AJM1: variants seen among roughly 807,000 people sequenced by gnomAD.
The protein encoded by AJM1 is uncharacterized protein C9orf172.
In AJM1, 22 loss-of-function variants were observed where a neutral mutation model predicts 43.0. That is an observed-to-expected ratio of 0.51 (90% confidence interval 0.37 to 0.73). AJM1 has a LOEUF of 0.73. Among genes scored for constraint, AJM1 ranks in the 30% least tolerant of loss-of-function variants. The pLI is 0.00. For synonymous variants in AJM1, 719 were observed against 638.3 expected (o/e 1.13, Z -1.91); for missense variants, 1,305 against 1,343.3 (o/e 0.97, Z 0.45).
chr9:136,844,547 T>C lies in AJM1; in HGVS notation c.133T>C (p.Phe45Leu). ...GGCCCGGCCTGCTGAGCCCGCGCCTTTCAACAAGCGCCACTGCCGCAGCTT... is the reference window on the plus strand; with the variant it reads ...GGCCCGGCCTGCTGAGCCCGCGCCTCTCAACAAGCGCCACTGCCGCAGCTT... ...SVARPAEPAP[F>L]NKRHCRSFDF... is the part of the protein sequence containing the mutation. The change falls in exon 3 of 3, where the codon TTC becomes CTC. Residue 45 changes from phenylalanine to leucine, a missense_variant. Coordinates refer to ENST00000436881, the MANE Select transcript of AJM1 (RefSeq NM_001080482.5). 1 of 1,605,816 alleles carries C rather than the reference T, an allele frequency of 6.2e-7. No homozygotes were observed. The highest frequency in any genetic ancestry group is 1.1e-5 in the South Asian group (1 of 90,228).
chr9:136,847,478 C>T lies in AJM1; in HGVS notation c.*133C>T. 3 of 672,172 alleles carry T rather than the reference C, an allele frequency of 4.5e-6. No homozygotes were observed. The highest frequency in any genetic ancestry group is 4.7e-5 in the South Asian group (2 of 42,418). 41.6% of individuals were successfully genotyped at this position (672,172 alleles called of 1,614,324 possible). ...CACCCCGACTTCTTCTAGGCCCCGC[C>T]TCTAATTCCCCAGCCTTCCAAGCTC... On this transcript the variant is annotated 3_prime_UTR_variant, in exon 3 of 3. Coordinates refer to ENST00000436881, the MANE Select transcript of AJM1 (RefSeq NM_001080482.5).
chr9:136,846,964 A>T lies in AJM1; in HGVS notation c.2550A>T (p.Val850=). The T allele has an allele frequency of 7.7e-7, 1 of 1,305,186 alleles. No individual in the cohort carries two copies. The highest frequency in any genetic ancestry group is 1.6e-5 in the African/African-American group (1 of 63,968). The allele number at this position is 1,305,186 out of a possible 1,614,324, so 80.9% of individuals were successfully genotyped here. The change falls in exon 3 of 3, where the codon GTA becomes GTT. Residue 850 remains valine (V), a synonymous_variant. Coordinates refer to ENST00000436881, the MANE Select transcript of AJM1 (RefSeq NM_001080482.5). ...HGPTVRKFAK[V]ALAAGSPARP... Reference sequence around the variant, plus strand: ...CAACAGTGCGCAAGTTCGCCAAGGTAGCGCTGGCGGCCGGCAGCCCCGCGC... The same window carrying T: ...CAACAGTGCGCAAGTTCGCCAAGGTTGCGCTGGCGGCCGGCAGCCCCGCGC...
chr9:136,845,253 A>G lies in AJM1; in HGVS notation c.839A>G (p.Gln280Arg). Residue 280 changes from glutamine (Q) to arginine (R), a missense_variant, in exon 3 of 3, where the codon CAG becomes CGG. Physicochemically the swap from Gln to Arg is conservative, Grantham distance 43. Coordinates refer to ENST00000436881, the MANE Select transcript of AJM1 (RefSeq NM_001080482.5). ...TTCACCACCCCGCCGGGCCCCACCC[A>G]GTTCTTCTATACAGAGGAGCCCCAA... Reference protein sequence around the residue: ...LPFTTPPGPTQFFYTEEPQGF... With the variant: ...LPFTTPPGPTRFFYTEEPQGF... 6.2e-7 allele frequency: 1 copy of G among 1,604,146 alleles called. No homozygotes were observed.
Position 136,844,207 on chromosome 9 carries a change from C to T in AJM1, c.-132C>T, listed in dbSNP as rs1848736412. ...GGTTCCTCCCGCAGGTGCTTCTGAC[C>T]CCGGCATGGAGGAAGCGCCCGCGTT... On this transcript the variant is annotated 5_prime_UTR_variant, in exon 2 of 3. Coordinates refer to ENST00000436881, the MANE Select transcript of AJM1 (RefSeq NM_001080482.5). Among the ~76,000 whole-genome samples the T allele has an allele frequency of 6.6e-6, 1 of 152,208 alleles. No individual in the cohort carries two copies. Among genetic ancestry groups the T allele is most frequent in the South Asian group, 2.1e-4 (1 of 4,834 alleles).
rs1365712477 is a variant in AJM1 at position 136,846,596 on chromosome 9, G to A, written c.2182G>A (p.Asp728Asn). 9.4e-6 allele frequency: 15 copies of A among 1,591,638 alleles called. No individual in the cohort carries two copies. Among genetic ancestry groups the A allele is most frequent in the Non-Finnish European group, 1.2e-5 (14 of 1,175,158 alleles). ...VCRHVLQFCRDSGPVHRAFSR... is the reference protein window; with the variant it reads ...VCRHVLQFCRNSGPVHRAFSR... ...CCGCCACGTACTGCAGTTTTGCCGC[G>A]ACAGCGGCCCGGTGCACCGCGCTTT... Residue 728 changes from aspartate (D) to asparagine (N), a missense_variant, in exon 3 of 3, where the codon GAC becomes AAC. By Grantham distance (23) the Asp-to-Asn change is conservative. Transcript: ENST00000436881.
At position 136,846,155 on chromosome 9, in the gene AJM1, G is replaced by A. The variant is rs1848771807; in HGVS notation, c.1741G>A (p.Asp581Asn). Residue 581 changes from aspartate (D) to asparagine (N), a missense_variant, in exon 3 of 3, where the codon GAC becomes AAC. Physicochemically the swap from Asp to Asn is conservative, Grantham distance 23. Coordinates refer to ENST00000436881, the MANE Select transcript of AJM1 (RefSeq NM_001080482.5). ...CCGCCAGCGGAGCCTAGAGCAGCTGGACGAGCTCATCACGGACCTGGTCAT... is the reference window on the plus strand; with the variant it reads ...CCGCCAGCGGAGCCTAGAGCAGCTGAACGAGCTCATCACGGACCTGGTCAT... ...SGRQRSLEQL[D>N]ELITDLVIDS... The A allele has an allele frequency of 6.5e-7, 1 of 1,527,668 alleles. No individual in the cohort carries two copies. Among genetic ancestry groups the A allele is most frequent in the Non-Finnish European group, 8.7e-7 (1 of 1,143,426 alleles). The allele number at this position is 1,527,668 out of a possible 1,614,324, so 94.6% of individuals were successfully genotyped here.
At chr9:136,843,613 A>G (rs1477947922) in intron 1 of AJM1, among the ~76,000 whole-genome samples, 1 of 152,224 alleles carries the variant, frequency 6.6e-6, no homozygotes, top group Non-Finnish European at 1.5e-5. Flanking sequence ...TTGGGGTCAG[A>G]AAAGGTGTCG....
At position 136,847,492 on chromosome 9, in the gene AJM1, C is replaced by A; in HGVS notation, c.*147C>A. ...CTAGGCCCCGCCTCTAATTCCCCAG[C>A]CTTCCAAGCTCCGCTCAGTTCGGCC... On this transcript the variant is annotated 3_prime_UTR_variant, in exon 3 of 3. Coordinates refer to ENST00000436881, the MANE Select transcript of AJM1 (RefSeq NM_001080482.5). 1 of 623,674 alleles carries A rather than the reference C, an allele frequency of 1.6e-6. No individual in the cohort carries two copies. The highest frequency in any genetic ancestry group is 2.5e-6 in the Non-Finnish European group (1 of 392,866). The allele number at this position is 623,674 out of a possible 1,614,324, so 38.6% of individuals were successfully genotyped here.
At position 136,845,106 on chromosome 9, in the gene AJM1, G is replaced by A. The variant is rs2131216326; in HGVS notation, c.692G>A (p.Arg231His). The part of the protein sequence containing the change: ...QFHGLTVPGP[R>H]HMALSRTPTP... ...CACGGCCTCACGGTGCCCGGGCCCC[G>A]CCACATGGCGCTGTCGCGCACCCCG... is the stretch of plus-strand genomic sequence containing the variant. The change falls in exon 3 of 3, where the codon CGC becomes CAC. Residue 231 changes from arginine to histidine, a missense_variant. Physicochemically the swap from Arg to His is conservative, Grantham distance 29. Around this residue, in one of 6 missense-constraint regions of AJM1, gnomAD observed 653 missense variants for 549.1 expected, o/e 1.19. Coordinates refer to ENST00000436881, the MANE Select transcript of AJM1 (RefSeq NM_001080482.5). 1.4e-6 allele frequency: 2 copies of A among 1,458,308 alleles called. No homozygotes were observed. The highest frequency in any genetic ancestry group is 1.9e-6 in the Non-Finnish European group (2 of 1,060,142). 90.3% of individuals were successfully genotyped at this position (1,458,308 alleles called of 1,614,324 possible). A position where few individuals can be genotyped will look rare whatever the true frequency, so the allele number is the denominator to read the frequency against.
chr9:136,846,457 C>G lies in AJM1; in HGVS notation c.2043C>G (p.Leu681=), dbSNP rs1398725093. Residue 681 remains leucine (L), a synonymous_variant, in exon 3 of 3, where the codon CTC becomes CTG. Transcript: ENST00000436881. Reference sequence around the variant, plus strand: ...CCGAGACCATGTTCAACGCCTGCCTCTACTTCAAGTCCTGCCACAGCTGCT... The same window carrying G: ...CCGAGACCATGTTCAACGCCTGCCTGTACTTCAAGTCCTGCCACAGCTGCT... ...RRTETMFNAC[L]YFKSCHSCYT... 1 of 1,594,266 alleles carries G rather than the reference C, an allele frequency of 6.3e-7. No individual in the cohort carries two copies. Among genetic ancestry groups the G allele is most frequent in the South Asian group, 1.1e-5 (1 of 90,720 alleles).
Position 136,844,527 on chromosome 9 carries a change from G to A in AJM1, c.113G>A (p.Arg38Gln). 2 of 1,607,686 alleles carry A rather than the reference G, an allele frequency of 1.2e-6. No homozygotes were observed. Among genetic ancestry groups the A allele is most frequent in the South Asian group, 1.1e-5 (1 of 90,446 alleles). Reference sequence around the variant, plus strand: ...TCGCCATGTGAGCGATCCGTGGCCCGGCCTGCTGAGCCCGCGCCTTTCAAC... The same window carrying A: ...TCGCCATGTGAGCGATCCGTGGCCCAGCCTGCTGAGCCCGCGCCTTTCAAC... ...KCSPCERSVA[R>Q]PAEPAPFNKR... Residue 38 changes from arginine (R) to glutamine (Q), a missense_variant, in exon 3 of 3, where the codon CGG (arginine) becomes CAG (glutamine). Arg to Gln is a conservative substitution (Grantham distance 43). Transcript: ENST00000436881.
chr9:136,843,800 C>G (rs1226450455), intron 1 of AJM1, among the ~76,000 whole-genome samples: 9 of 152,172 alleles, frequency 5.9e-5, no homozygotes, highest in Admixed American at 5.9e-4. Flanking sequence ...GGTGCAGAGC[C>G]GGCTAAGGCT....
chr9:136,842,722 A>C (rs1326916162), intron 1 of AJM1, among the ~76,000 whole-genome samples, 133 bp downstream of exon 1: 2 of 152,160 alleles, frequency 1.3e-5, no homozygotes, highest in South Asian at 2.1e-4. Flanking sequence ...GGCCGCTCCC[A>C]GCCAGGGCAA....
rs767804900 is a variant in AJM1, at chr9:136,846,853, G to C, written c.2439G>C (p.Leu813=). The C allele has an allele frequency of 6.3e-7, 1 of 1,577,814 alleles. No homozygotes were observed. The highest frequency in any genetic ancestry group is 1.7e-5 in the Admixed American group (1 of 57,550). The change falls in exon 3 of 3, where the codon CTG becomes CTC. Residue 813 remains leucine (L), a synonymous_variant. Coordinates refer to ENST00000436881, the MANE Select transcript of AJM1 (RefSeq NM_001080482.5). ...TCTACGAACCGGCAGAGTGCTTCCTGCTCAGCGTGTCCGTGGCCGTGGGAC... is the reference window on the plus strand; with the variant it reads ...TCTACGAACCGGCAGAGTGCTTCCTCCTCAGCGTGTCCGTGGCCGTGGGAC... ...GRLYEPAECF[L]LSVSVAVGPG...
At position 136,847,180 on chromosome 9, in the gene AJM1, G is replaced by T; in HGVS notation, c.2766G>T (p.Glu922Asp). The change falls in exon 3 of 3, where the codon GAG becomes GAT. Residue 922 changes from glutamate to aspartate, a missense_variant. This residue lies in a region of AJM1 where 116 missense variants were observed against 113.4 expected (regional missense o/e 1.02). Transcript: ENST00000436881. Reference protein sequence around the residue: ...FLRHEFPRVYEQLCEFVEANR... With the variant: ...FLRHEFPRVYDQLCEFVEANR... Reference sequence around the variant, plus strand: ...GCCACGAGTTCCCGCGCGTCTACGAGCAGCTTTGCGAGTTCGTCGAGGCCA... The same window carrying T: ...GCCACGAGTTCCCGCGCGTCTACGATCAGCTTTGCGAGTTCGTCGAGGCCA... 1 of 1,604,178 alleles carries T rather than the reference G, an allele frequency of 6.2e-7. No individual in the cohort carries two copies. Among genetic ancestry groups the T allele is most frequent in the Non-Finnish European group, 8.5e-7 (1 of 1,178,786 alleles).
rs1484758260 is a variant in AJM1 at position 136,845,019 on chromosome 9, G to C, written c.605G>C (p.Arg202Pro). The C allele has an allele frequency of 1.5e-6, 1 of 685,944 alleles. No homozygotes were observed. Among genetic ancestry groups the C allele is most frequent in the Non-Finnish European group, 2.5e-6 (1 of 404,672 alleles). 42.5% of individuals were successfully genotyped at this position (685,944 alleles called of 1,614,324 possible). A position where few individuals can be genotyped will look rare whatever the true frequency, so the allele number is the denominator to read the frequency against. The change falls in exon 3 of 3, where the codon CGG becomes CCG. Residue 202 changes from arginine to proline, a missense_variant. Transcript: ENST00000436881. ...GACGCAGTGCTCCAGCACGCCACCC[G>C]GGGCTCGCGGTCCTGCGGGCCCACC... Reference protein sequence around the residue: ...PDDAVLQHATRGSRSCGPTEA... With the variant: ...PDDAVLQHATPGSRSCGPTEA...
Position 136,842,498 on chromosome 9 carries a change from G to C in AJM1, c.-235G>C, listed in dbSNP as rs1241168091. Among the ~76,000 whole-genome samples, 2 of 152,094 alleles carry C rather than the reference G, an allele frequency of 1.3e-5. No homozygotes were observed. The highest frequency in any genetic ancestry group is 6.5e-5 in the Admixed American group (1 of 15,288). On this transcript the variant is annotated 5_prime_UTR_variant, in exon 1 of 3. Coordinates refer to ENST00000436881, the MANE Select transcript of AJM1 (RefSeq NM_001080482.5). ...TCCGCGCTGCTGCCTGGAAGCTTCTGCCCGTGCCGGGGACGCAGCAGTGCC... is the reference window on the plus strand; with the variant it reads ...TCCGCGCTGCTGCCTGGAAGCTTCTCCCCGTGCCGGGGACGCAGCAGTGCC...
In AJM1 at chr9:136,847,278, T is replaced by C. The variant is rs1291344602; in HGVS notation, c.2864T>C (p.Met955Thr). The change falls in exon 3 of 3, where the codon ATG becomes ACG. Residue 955 changes from methionine (M) to threonine (T), a missense_variant. This residue lies in a region of AJM1 where 116 missense variants were observed against 113.4 expected (regional missense o/e 1.02). Transcript: ENST00000436881. ...GGCCGCCCCTTCATGTGCATGATCA[T>C]GGCCGCCTCCGAGCCGCGCGCGCTC... ...RTGRPFMCMIMAASEPRALDW... is the reference protein window; with the variant it reads ...RTGRPFMCMITAASEPRALDW... The C allele has an allele frequency of 7.0e-6, 11 of 1,576,970 alleles. No homozygotes were observed. Among genetic ancestry groups the C allele is most frequent in the Non-Finnish European group, 9.4e-6 (11 of 1,167,096 alleles).
chr9:136,846,031 CCTGCGCGCCA>C lies in AJM1; in HGVS notation c.1619_1628del (p.Leu540ProfsTer35). On this transcript the variant is annotated frameshift_variant, in exon 3 of 3. Coordinates refer to ENST00000436881, the MANE Select transcript of AJM1 (RefSeq NM_001080482.5). LOFTEE classifies it high-confidence loss of function. Reference sequence around the variant, plus strand: ...CCGAGATCACCATCACTGACAATGACCTGCGCGCCACCGAGCGCCCGAGCGCCAGGGCCTG... The same window carrying C: ...CCGAGATCACCATCACTGACAATGACCCGAGCGCCCGAGCGCCAGGGCCTG... 1 of 1,545,608 alleles carries C rather than the reference CCTGCGCGCCA, an allele frequency of 6.5e-7. No homozygotes were observed. The highest frequency in any genetic ancestry group is 8.7e-7 in the Non-Finnish European group (1 of 1,146,870).
Sources: allele counts gnomAD v4.1 joint callset (sites outside exome capture counted in the v4.1 genomes callset), GRCh38; gene constraint gnomAD v4.1.1; regional missense constraint gnomAD v4.1.1; transcripts MANE v1.5; gene names NCBI Gene and HGNC (gene_info 2026-07-23, HGNC 2026-07-21).